The following CPZ variants were observed in gnomAD, a reference collection of about 807,000 sequenced individuals.
CPZ encodes the protein carboxypeptidase Z.
CPZ carries 103 observed loss-of-function variants against 61.8 expected under a neutral mutation model. That is an observed-to-expected ratio of 1.67 (90% CI 1.42 to 1.96). The LOEUF (loss-of-function observed/expected upper bound fraction) is 1.96. CPZ is among the 30% of genes most tolerant of loss of function. The pLI, the probability that CPZ is intolerant of heterozygous loss-of-function variation, is 0.00. For missense variants in CPZ, 1,461 were observed against 914.9 expected, an observed-to-expected ratio of 1.60 and a Z score of -7.70; for synonymous variants, 551 against 373.7, an observed-to-expected ratio of 1.47 and a Z score of -5.47.
intron 8 of CPZ, among the ~76,000 whole-genome samples, chr4:8,614,045 A>G (rs1715940687): frequency 6.6e-6 from 1 of 152,264 alleles, no homozygotes; most frequent in African/African-American, 2.4e-5. Context: ...CCTGAGCTCA[A>G]GATGCAGCTC....
At chr4:8,596,494 C>A (rs1714193624) in intron 1 of CPZ, among the ~76,000 whole-genome samples, 1 of 152,246 alleles carries the variant, frequency 6.6e-6, no homozygotes, top group African/African-American at 2.4e-5. Flanking sequence ...CCTTGGGAAA[C>A]CCCGATGGGG....
chr4:8,593,587 G>A (rs530203690), intron 1 of CPZ, among the ~76,000 whole-genome samples: 2 of 152,306 alleles, frequency 1.3e-5, no homozygotes, highest in East Asian at 1.9e-4. Context: ...CTCCAGGTGT[G>A]GGGGTGCATC....
In CPZ at chr4:8,605,634, T is replaced by C. The variant is rs534928278; in HGVS notation, c.710-355T>C. Among the ~76,000 whole-genome samples, 308 of 148,616 alleles carry C rather than the reference T, an allele frequency of 2.1e-3. 2 individuals carry two copies. Among genetic ancestry groups the C allele is most frequent in the African/African-American group, 7.1e-3 (277 of 38,752 alleles). ...TCCATCCATCCATCCATCATTGATATATCCATTCATCCACTCAAGGGCCAA... is the reference window on the plus strand; with the variant it reads ...TCCATCCATCCATCCATCATTGATACATCCATTCATCCACTCAAGGGCCAA... On this transcript the variant is annotated intron_variant, in intron 4 of 10. Coordinates refer to ENST00000360986, the MANE Select transcript of CPZ (RefSeq NM_001014447.3).
intron 7 of CPZ, among the ~76,000 whole-genome samples, chr4:8,609,426 CTCAT>C (rs746966233): frequency 2.8e-4 from 40 of 143,516 alleles, no homozygotes; most frequent in East Asian, 7.7e-4. Flanking sequence ...CCTTCCCTCA[CTCAT>C]TCATTCATTG....
chr4:8,596,115 G>A (rs1212730618), intron 1 of CPZ, among the ~76,000 whole-genome samples: 1 of 152,046 alleles, frequency 6.6e-6, no homozygotes, highest in South Asian at 2.1e-4. Flanking sequence ...GCAGTGGTGT[G>A]ATCTTGGCTC....
chr4:8,609,236 A>ATT (rs1401397798), intron 7 of CPZ, among the ~76,000 whole-genome samples: 26 of 29,998 alleles, frequency 8.7e-4, no homozygotes, highest in Non-Finnish European at 1.4e-3. Context: ...ACTCATTGTC[A>ATT]CTCATTCACT....
At chr4:8,594,550 G>C (rs1714037857) in intron 1 of CPZ, among the ~76,000 whole-genome samples, 1 of 152,196 alleles carries the variant, frequency 6.6e-6, no homozygotes, top group Non-Finnish European at 1.5e-5. Context: ...CCCAGGCACA[G>C]CCACTGGTCA....
Position 8,592,825 on chromosome 4 carries a change from C to T in CPZ, c.-9C>T, listed in dbSNP as rs920725013. 8.9e-6 allele frequency: 13 copies of T among 1,458,588 alleles called. No homozygotes were observed. The South Asian group carries it at 9.5e-5, about 11-fold the overall frequency. The allele number at this position is 1,458,588 out of a possible 1,614,324, so 90.4% of individuals were successfully genotyped here. On this transcript the variant is annotated 5_prime_UTR_variant, in exon 1 of 11. Transcript: ENST00000360986. ...ACTGCGCTGGCCGTCCAAGGTCCGCCGCCCCACCATGCCGCCCCCGCTGCC... is the reference window on the plus strand; with the variant it reads ...ACTGCGCTGGCCGTCCAAGGTCCGCTGCCCCACCATGCCGCCCCCGCTGCC...
rs745576687 is a variant in CPZ at position 8,619,602 on chromosome 4, G to A, written c.1944G>A (p.Trp648Ter). The A allele has an allele frequency of 6.0e-6, 9 of 1,505,886 alleles. No homozygotes were observed. The East Asian group carries it at 1.2e-4, about 20-fold the overall frequency. 93.3% of individuals were successfully genotyped at this position (1,505,886 alleles called of 1,614,324 possible). A position where few individuals can be genotyped will look rare whatever the true frequency, so the allele number is the denominator to read the frequency against. Residue 648 changes from tryptophan to a stop codon, truncating the protein, a stop_gained, in exon 11 of 11, where the codon TGG (tryptophan) becomes TGA (stop). Coordinates refer to ENST00000360986, the MANE Select transcript of CPZ (RefSeq NM_001014447.3). LOFTEE classifies it high-confidence loss of function. ...CGCTGAGCACCCACAGGCCACGCTG[G>A]CTGCTCAAGTACTAGCCCCGGCCCC... ...FTSLSTHRPR[W>*]LLKY
At chr4:8,605,201 A>G (rs1299281557) in intron 4 of CPZ, among the ~76,000 whole-genome samples, 1 of 152,160 alleles carries the variant, frequency 6.6e-6, no homozygotes, top group Non-Finnish European at 1.5e-5. Context: ...GGGGAGGGAG[A>G]CATCATTTTC....
Position 8,612,080 on chromosome 4 carries a change from C to G in CPZ, c.1281C>G (p.Asp427Glu), listed in dbSNP as rs753149461. Reference protein sequence around the residue: ...AYADVHPMMMDRSENRCGGNF... With the variant: ...AYADVHPMMMERSENRCGGNF... ...CTGACGTCCACCCCATGATGATGGA[C>G]AGGTCGGAGAATAGGTGTGGAGGCA... The change falls in exon 8 of 11, where the codon GAC (aspartate) becomes GAG (glutamate). Residue 427 changes from aspartate to glutamate, a missense_variant. By Grantham distance (45) the Asp-to-Glu change is conservative (BLOSUM62 2). Transcript: ENST00000360986. The G allele has an allele frequency of 1.2e-6, 2 of 1,613,484 alleles. No individual in the cohort carries two copies. The highest frequency in any genetic ancestry group is 2.7e-5 in the African/African-American group (2 of 74,790).
intron 9 of CPZ, among the ~76,000 whole-genome samples, chr4:8,615,468 C>T (rs1165804522): frequency 6.6e-6 from 1 of 152,200 alleles, no homozygotes; most frequent in Non-Finnish European, 1.5e-5. Context: ...AGCACAGATG[C>T]CCAGTGAGAA....
In CPZ at chr4:8,614,347, T is replaced by C. The variant is rs1320988762; in HGVS notation, c.1364-12T>C. ...TGACACCCCTGACGTCCCCGCTGTC[T>C]CTGTGCCACAGGCATGTCCGATTTC... On this transcript the variant is annotated splice_polypyrimidine_tract_variant and intron_variant, in intron 8 of 10. Coordinates refer to ENST00000360986, the MANE Select transcript of CPZ (RefSeq NM_001014447.3). 6.2e-7 allele frequency: 1 copy of C among 1,610,976 alleles called. No individual in the cohort carries two copies. The highest frequency in any genetic ancestry group is 1.1e-5 in the South Asian group (1 of 90,686).
chr4:8,619,743 G>C lies in CPZ; in HGVS notation c.*126G>C. The stretch of plus-strand genomic sequence containing the variant: ...CGCTGCCATTTTATTAAAGTGTTTT[G>C]ATCCACTTTGCACTGGAATGAGAGG... On this transcript the variant is annotated 3_prime_UTR_variant, in exon 11 of 11. Coordinates refer to ENST00000360986, the MANE Select transcript of CPZ (RefSeq NM_001014447.3). 2 of 767,662 alleles carry C rather than the reference G, an allele frequency of 2.6e-6. No homozygotes were observed. Among genetic ancestry groups the C allele is most frequent in the Non-Finnish European group, 2.0e-6 (1 of 512,356 alleles). The allele number at this position is 767,662 out of a possible 1,614,324, so 47.6% of individuals were successfully genotyped here.
chr4:8,617,812 G>A (rs778488032), intron 9 of CPZ, among the ~76,000 whole-genome samples: 39 of 152,176 alleles, frequency 2.6e-4, no homozygotes, highest in Non-Finnish European at 4.4e-4. Context: ...GTCATCAACT[G>A]TTTTACAAGA....
At chr4:8,601,678 G>A (rs529659662) in intron 3 of CPZ, among the ~76,000 whole-genome samples, 181 bp downstream of exon 3, 18 of 152,304 alleles carry the variant, frequency 1.2e-4, no homozygotes, top group Non-Finnish European at 2.1e-4. Flanking sequence ...AGGCAGGGTC[G>A]GGGGCTCAGT....
At chr4:8,613,781 T>C (rs376864346) in intron 8 of CPZ, among the ~76,000 whole-genome samples, 75 of 152,188 alleles carry the variant, frequency 4.9e-4, no homozygotes, top group African/African-American at 1.5e-3. Context: ...AGGTGGCTGG[T>C]TGTCCACCCT....
intron 9 of CPZ, among the ~76,000 whole-genome samples, chr4:8,615,445 T>A (rs1356780624): frequency 6.6e-6 from 1 of 152,148 alleles, no homozygotes. Flanking sequence ...AAGAATCACA[T>A]AAATTGCATA....
At chr4:8,607,087 T>C (rs1715099445) in intron 6 of CPZ, among the ~76,000 whole-genome samples, 180 bp from the exon 7 acceptor site, 1 of 152,170 alleles carries the variant, frequency 6.6e-6, no homozygotes, top group Non-Finnish European at 1.5e-5. Context: ...AGATTCATGT[T>C]GGAAACGCCT....
Sources: allele counts gnomAD v4.1 joint callset (sites outside exome capture counted in the v4.1 genomes callset), GRCh38; gene constraint gnomAD v4.1.1; transcripts MANE v1.5; gene names NCBI Gene and HGNC (gene_info 2026-07-23, HGNC 2026-07-21).